Variants in RXFP2 observed in about 807,000 individuals in gnomAD.
RXFP2 encodes relaxin family peptide receptor 2, also known as relaxin receptor 2.
RXFP2 carries 68 observed loss-of-function variants against 88.6 expected under a neutral mutation model. The ratio of observed to expected loss-of-function variants is 0.77; its 90% CI spans 0.63 to 0.94. The LOEUF is 0.94. Ranked by LOEUF, RXFP2 falls within the 40% of genes least tolerant of loss-of-function variation. RXFP2 has a pLI of 0.00. For missense variants in RXFP2, 791 were observed against 893.9 expected (o/e 0.88, Z 1.47); for synonymous variants, 329 against 306.8 (o/e 1.07, Z -0.76).
Position 31,761,746 on chromosome 13 carries a change from C to A in RXFP2, c.264C>A (p.Thr88=). 6.2e-7 allele frequency: 1 copy of A among 1,612,800 alleles called. No homozygotes were observed. The highest frequency in any genetic ancestry group is 8.5e-7 in the Non-Finnish European group (1 of 1,178,938). The change falls in exon 3 of 18, where the codon ACC becomes ACA. Residue 88 remains threonine (T), a synonymous_variant. Transcript: ENST00000298386. Reference sequence around the variant, plus strand: ...CAGGTGACACTAGTGGATGGGCGACCATATTTGGCACAGTGCATGGAAATG... The same window carrying A: ...CAGGTGACACTAGTGGATGGGCGACAATATTTGGCACAGTGCATGGAAATG... The part of the protein sequence containing the change: ...ENCGDTSGWA[T]IFGTVHGNAN...
intron 11 of RXFP2, among the ~76,000 whole-genome samples, chr13:31,785,135 T>A (rs1873470122): frequency 6.6e-6 from 1 of 152,164 alleles, no homozygotes; most frequent in Non-Finnish European, 1.5e-5. Context: ...CCAGGCTCCC[T>A]CCCAGAAAGT....
At chr13:31,796,962 TACA>T (rs1184285686) in intron 16 of RXFP2, among the ~76,000 whole-genome samples, 1 of 152,262 alleles carries the variant, frequency 6.6e-6, no homozygotes, top group African/African-American at 2.4e-5. Context: ...TAAAATATTG[TACA>T]AAATTACTTT....
chr13:31,786,925 G>A (rs1274968308), intron 13 of RXFP2, among the ~76,000 whole-genome samples: 2 of 152,164 alleles, frequency 1.3e-5, no homozygotes, highest in African/African-American at 4.8e-5. Flanking sequence ...AATTAAATTT[G>A]CAATAGTTTT....
intron 9 of RXFP2, among the ~76,000 whole-genome samples, chr13:31,779,809 C>T (rs1390171695): frequency 6.6e-6 from 1 of 152,138 alleles, no homozygotes; most frequent in Non-Finnish European, 1.5e-5. Flanking sequence ...CTTGTTACAA[C>T]ACTATTAGGT....
chr13:31,752,716 G>A (rs1871725829), intron 1 of RXFP2, among the ~76,000 whole-genome samples: 2 of 152,130 alleles, frequency 1.3e-5, no homozygotes, highest in African/African-American at 4.8e-5. Context: ...AGTAGGGGCA[G>A]GCTCTGGCCA....
At chr13:31,795,562 G>A (rs1050737298) in intron 16 of RXFP2, among the ~76,000 whole-genome samples, 1 of 152,090 alleles carries the variant, frequency 6.6e-6, no homozygotes, top group African/African-American at 2.4e-5. Context: ...TTTGGAAAGA[G>A]GCCTAAGACA....
At position 31,776,314 on chromosome 13, in the gene RXFP2, G is replaced by A. The variant is rs533470809; in HGVS notation, c.641+925G>A. Among the ~76,000 whole-genome samples, 13 of 129,614 alleles carry A rather than the reference G, an allele frequency of 1.0e-4. No homozygotes were observed. The South Asian group carries it at 3.0e-3, about 30-fold the overall frequency. The allele number at this position is 129,614 out of a possible 152,430, so 85.0% of individuals were successfully genotyped here. Reference sequence around the variant, plus strand: ...TCTGTCACACAGGCTGGAGTGCACTGGTACAATCTCAACTCACTGCAGCCT... The same window carrying A: ...TCTGTCACACAGGCTGGAGTGCACTAGTACAATCTCAACTCACTGCAGCCT... On this transcript the variant is annotated intron_variant, in intron 7 of 17. Transcript: ENST00000298386.
intron 1 of RXFP2, among the ~76,000 whole-genome samples, chr13:31,740,544 C>T (rs895169966): frequency 6.6e-6 from 1 of 151,680 alleles, no homozygotes; most frequent in Non-Finnish European, 1.5e-5. Flanking sequence ...CTGAGAAATT[C>T]GTTTTAGGTT....
At chr13:31,788,696 A>T (rs1445384647) in intron 13 of RXFP2, among the ~76,000 whole-genome samples, 1 of 152,210 alleles carries the variant, frequency 6.6e-6, no homozygotes, top group African/African-American at 2.4e-5. Context: ...CACATAGGCC[A>T]GGAAGAAATG....
intron 6 of RXFP2, 79 bp downstream of exon 6, chr13:31,774,770 C>T (rs1872870180): frequency 6.1e-6 from 5 of 819,174 alleles, no homozygotes; most frequent in Admixed American, 5.2e-5. Flanking sequence ...TTTCAAGGCT[C>T]GACTTGATTG....
intron 1 of RXFP2, among the ~76,000 whole-genome samples, chr13:31,756,894 C>G (rs1029103421): frequency 6.6e-6 from 1 of 152,114 alleles, no homozygotes; most frequent in Non-Finnish European, 1.5e-5. Flanking sequence ...GCTGGGATTA[C>G]AGGCGTGAGC....
intron 4 of RXFP2, among the ~76,000 whole-genome samples, chr13:31,765,394 G>A (rs1872507443): frequency 6.6e-6 from 1 of 151,490 alleles, no homozygotes; most frequent in Admixed American, 6.6e-5. Context: ...ATTGCTTTCT[G>A]ATTTATGTAT....
chr13:31,785,725 G>A (rs1430632967), intron 11 of RXFP2, among the ~76,000 whole-genome samples: 2 of 152,014 alleles, frequency 1.3e-5, no homozygotes, highest in East Asian at 1.9e-4. Flanking sequence ...CTCTGGCTCA[G>A]AAATATACTC....
intron 17 of RXFP2, among the ~76,000 whole-genome samples, chr13:31,801,262 A>G (rs1874327336): frequency 6.6e-6 from 1 of 152,098 alleles, no homozygotes; most frequent in Non-Finnish European, 1.5e-5. Context: ...TGTGAGAGGA[A>G]GTAGCGTCCT....
At chr13:31,794,604 T>G (rs1206400329) in intron 16 of RXFP2, among the ~76,000 whole-genome samples, 1 of 151,936 alleles carries the variant, frequency 6.6e-6, no homozygotes. Context: ...GAGTACAGAA[T>G]GTTCTAGGAG....
intron 1 of RXFP2, 88 bp downstream of exon 1, chr13:31,739,794 T>A: frequency 1.2e-6 from 1 of 852,460 alleles, no homozygotes; most frequent in South Asian, 1.4e-5. Context: ...AATAAATATA[T>A]TGGGGTGTTT....
rs369418790 is a variant in RXFP2 at position 31,792,861 on chromosome 13, A to T, written c.1559A>T (p.Lys520Met). ...CTACTGACCTACTTGACTTTGGAGA[A>T]GTTCCTGGTCATTGTCTTCCCCTTC... ...VLLLTYLTLE[K>M]FLVIVFPFSN... Residue 520 changes from lysine (K) to methionine (M), a missense_variant, in exon 16 of 18, where the codon AAG (lysine) becomes ATG (methionine). Transcript: ENST00000298386. 1.2e-6 allele frequency: 2 copies of T among 1,614,062 alleles called. No homozygotes were observed. Among genetic ancestry groups the T allele is most frequent in the Non-Finnish European group, 1.7e-6 (2 of 1,180,036 alleles).
chr13:31,779,349 C>T (rs924322307), intron 9 of RXFP2, among the ~76,000 whole-genome samples: 6 of 152,060 alleles, frequency 3.9e-5, no homozygotes, highest in African/African-American at 1.2e-4. Flanking sequence ...TGGTCTTCAA[C>T]CCCTGACCTC....
intron 14 of RXFP2, among the ~76,000 whole-genome samples, chr13:31,791,134 A>G (rs9594399): frequency 0.32 from 48,702 of 152,172 alleles, 8,857 homozygotes; most frequent in Admixed American, 0.43. Context: ...AGGGATGGCA[A>G]TGGCCAGATG....
Sources: allele counts gnomAD v4.1 joint callset (sites outside exome capture counted in the v4.1 genomes callset), GRCh38; gene constraint gnomAD v4.1.1; transcripts MANE v1.5; gene names NCBI Gene and HGNC (gene_info 2026-07-23, HGNC 2026-07-21).